SEC24D: variants seen among roughly 807,000 people sequenced by gnomAD.
SEC24D encodes the protein SEC24 homolog D, COPII component.
A neutral mutation model predicts 116.9 loss-of-function variants in SEC24D; 69 were observed. The observed-to-expected ratio is 0.59, with a 90% confidence interval of 0.49 to 0.72. SEC24D has a LOEUF of 0.72. Ranked by LOEUF, SEC24D falls within the 30% of genes least tolerant of loss-of-function variation. SEC24D has a pLI of 0.00. For synonymous variants in SEC24D, 405 were observed against 442.8 expected (o/e 0.91, Z 1.07); for missense variants, 1,131 against 1,264.1 (o/e 0.89, Z 1.60).
In SEC24D at chr4:118,805,948, C is replaced by T. The variant is rs1256834441; in HGVS notation, c.808G>A (p.Val270Met). ...DPDSIPSPIQVIENDRASRGG... is the reference protein window; with the variant it reads ...DPDSIPSPIQMIENDRASRGG... ...CTGCTGGCTCTATCATTCTCAATCA[C>T]CTGGATCTGATAAATAAGACATCAA... Residue 270 changes from valine (V) to methionine (M), a missense_variant, in exon 7 of 23, where the codon GTG becomes ATG. By Grantham distance (21) the Val-to-Met change is conservative. Transcript: ENST00000280551. The T allele has an allele frequency of 1.3e-6, 2 of 1,594,386 alleles. No individual in the cohort carries two copies. The highest frequency in any genetic ancestry group is 1.7e-6 in the Non-Finnish European group (2 of 1,170,086).
chr4:118,791,740 G>C (rs1728914080), intron 8 of SEC24D, among the ~76,000 whole-genome samples: 1 of 152,180 alleles, frequency 6.6e-6, no homozygotes. Flanking sequence ...TGGCCGGGCT[G>C]GTCTCCAGCT....
At chr4:118,750,154 T>C (rs1274367282) in intron 13 of SEC24D, among the ~76,000 whole-genome samples, 1 of 152,204 alleles carries the variant, frequency 6.6e-6, no homozygotes, top group African/African-American at 2.4e-5. Flanking sequence ...TCTAGTAAAC[T>C]GGCTGATGGC....
At chr4:118,832,399 T>C (rs115090549) in intron 2 of SEC24D, among the ~76,000 whole-genome samples, 6,653 of 151,890 alleles carry the variant, frequency 0.044, 203 homozygotes, top group Non-Finnish European at 0.064. Context: ...AGTGAAAGTG[T>C]GGATGGGGTG....
intron 8 of SEC24D, among the ~76,000 whole-genome samples, chr4:118,789,967 C>G (rs1728824860): frequency 6.6e-6 from 1 of 152,204 alleles, no homozygotes. Context: ...AAATAAGCTC[C>G]ATATAACAAT....
chr4:118,825,571 G>C (rs1320448252), intron 2 of SEC24D: 1 of 456,088 alleles, frequency 2.2e-6, no homozygotes, highest in Non-Finnish European at 4.4e-6. Flanking sequence ...CTTATTAGTT[G>C]TATGAACCTG....
intron 7 of SEC24D, among the ~76,000 whole-genome samples, chr4:118,801,883 C>T (rs10029249): frequency 0.015 from 2,245 of 152,264 alleles, 48 homozygotes; most frequent in African/African-American, 0.051. Flanking sequence ...AATTTAGCAA[C>T]CACAGGAACT....
At chr4:118,792,483 A>T (rs1728971362) in intron 8 of SEC24D, among the ~76,000 whole-genome samples, 1 of 152,258 alleles carries the variant, frequency 6.6e-6, no homozygotes, top group South Asian at 2.1e-4. Context: ...AAGAGAGATC[A>T]GATTGTTACT....
At chr4:118,724,271 T>A (rs1329814790) in intron 22 of SEC24D, among the ~76,000 whole-genome samples, 1 of 151,890 alleles carries the variant, frequency 6.6e-6, no homozygotes, top group Non-Finnish European at 1.5e-5. Flanking sequence ...GCTAGAGAGG[T>A]TAACACACAG....
At chr4:118,823,768 C>G (rs1404833478) in intron 3 of SEC24D, among the ~76,000 whole-genome samples, 5 of 152,188 alleles carry the variant, frequency 3.3e-5, no homozygotes, top group Admixed American at 6.5e-5. Context: ...TTTTCCCTTC[C>G]TCAATTTATT....
intron 9 of SEC24D, among the ~76,000 whole-genome samples, chr4:118,767,022 T>A (rs1451121477): frequency 6.6e-6 from 1 of 152,032 alleles, no homozygotes; most frequent in East Asian, 1.9e-4. Flanking sequence ...GAAACCATAG[T>A]TAATGTAAGG....
Position 118,817,360 on chromosome 4 carries a change from G to T in SEC24D, c.301C>A (p.Gln101Lys), listed in dbSNP as rs1318499913. The stretch of plus-strand genomic sequence containing the variant: ...GGATAAGAAGATTGTGCAGAGGGTT[G>T]GTATGGTGCATGTGAGGATGCCACA... The part of the protein sequence containing the change: ...NNVASSHAPY[Q>K]PSAQSSYPGP... Residue 101 changes from glutamine to lysine, a missense_variant, in exon 4 of 23, where the codon CAA (glutamine) becomes AAA (lysine). Transcript: ENST00000280551. 3.7e-6 allele frequency: 6 copies of T among 1,613,672 alleles called. No individual in the cohort carries two copies. The highest frequency in any genetic ancestry group is 5.1e-6 in the Non-Finnish European group (6 of 1,179,766).
intron 7 of SEC24D, among the ~76,000 whole-genome samples, chr4:118,801,953 A>G (rs1217535349): frequency 6.6e-6 from 1 of 152,250 alleles, no homozygotes; most frequent in Non-Finnish European, 1.5e-5. Flanking sequence ...TTTACTGAAA[A>G]CATTCAATAA....
intron 6 of SEC24D, among the ~76,000 whole-genome samples, chr4:118,810,333 T>C (rs926806165): frequency 6.6e-6 from 1 of 151,810 alleles, no homozygotes; most frequent in African/African-American, 2.4e-5. Context: ...AAAACCTAGG[T>C]AGGTAGATAG....
chr4:118,784,069 C>A (rs1044501870), intron 8 of SEC24D, among the ~76,000 whole-genome samples: 1 of 152,218 alleles, frequency 6.6e-6, no homozygotes, highest in African/African-American at 2.4e-5. Flanking sequence ...GGTGACTAAC[C>A]ATCCCCTGTG....
chr4:118,829,462 T>C (rs999795017), intron 2 of SEC24D, among the ~76,000 whole-genome samples: 11 of 152,082 alleles, frequency 7.2e-5, no homozygotes, highest in African/African-American at 2.4e-4. Context: ...CAGTGAGCTA[T>C]AATTTCGTCA....
intron 8 of SEC24D, among the ~76,000 whole-genome samples, chr4:118,776,151 G>C (rs1219484477): frequency 6.6e-6 from 1 of 152,024 alleles, no homozygotes; most frequent in Non-Finnish European, 1.5e-5. Context: ...TAGGGGAGTG[G>C]AAAGGGAGGG....
intron 13 of SEC24D, among the ~76,000 whole-genome samples, chr4:118,751,672 A>G (rs1726843716): frequency 6.6e-6 from 1 of 152,160 alleles, no homozygotes; most frequent in Non-Finnish European, 1.5e-5. Flanking sequence ...GGAGGGTGAT[A>G]TGGGAATCTG....
At chr4:118,740,095 G>A (rs1449007224) in intron 17 of SEC24D, among the ~76,000 whole-genome samples, 1 of 152,118 alleles carries the variant, frequency 6.6e-6, no homozygotes, top group Non-Finnish European at 1.5e-5. Flanking sequence ...TATGACTGGT[G>A]TCCTTATAAG....
chr4:118,751,175 G>GTTTTTTTTT (rs1560635909), intron 13 of SEC24D, among the ~76,000 whole-genome samples: 4 of 97,322 alleles, frequency 4.1e-5, no homozygotes, highest in Admixed American at 3.8e-4. Flanking sequence ...TAGAGTGAGG[G>GTTTTTTTTT]CTTTTTTTTT....
Sources: allele counts gnomAD v4.1 joint callset (sites outside exome capture counted in the v4.1 genomes callset), GRCh38; gene constraint gnomAD v4.1.1; transcripts MANE v1.5; gene names NCBI Gene and HGNC (gene_info 2026-07-23, HGNC 2026-07-21).